Variants in RIMS1 observed in about 807,000 individuals in gnomAD.
RIMS1 encodes the protein regulating synaptic membrane exocytosis 1.
A neutral mutation model predicts 214.1 loss-of-function variants in RIMS1; 83 were observed. The ratio of observed to expected loss-of-function variants is 0.39; its 90% CI spans 0.32 to 0.47. The LOEUF is 0.47. Ranked by LOEUF, RIMS1 falls within the 20% of genes least tolerant of loss-of-function variation. The pLI is 0.99. For synonymous variants in RIMS1, 793 were observed against 786.8 expected (o/e 1.01, Z -0.13); for missense variants, 2,050 against 2,161.8 (o/e 0.95, Z 1.03).
chr6:72,188,250 A>C (rs2049458010), intron 6 of RIMS1, among the ~76,000 whole-genome samples: 1 of 152,188 alleles, frequency 6.6e-6, no homozygotes, highest in Non-Finnish European at 1.5e-5. Flanking sequence ...ACTCGATATT[A>C]ACCATCACAA....
At chr6:72,153,913 G>C (rs988517926) in intron 4 of RIMS1, among the ~76,000 whole-genome samples, 1 of 152,026 alleles carries the variant, frequency 6.6e-6, no homozygotes, top group African/African-American at 2.4e-5. Flanking sequence ...AATGTATAAG[G>C]CATGAAAAAA....
intron 8 of RIMS1, among the ~76,000 whole-genome samples, chr6:72,237,451 G>C (rs1354490262): frequency 6.6e-6 from 1 of 151,978 alleles, no homozygotes. Context: ...GAGGCAGGAG[G>C]ACTGCTTGAG....
At chr6:71,908,529 T>G (rs1383307743) in intron 1 of RIMS1, among the ~76,000 whole-genome samples, 1 of 152,206 alleles carries the variant, frequency 6.6e-6, no homozygotes. Context: ...AGAGCCTTCC[T>G]GTCAGGGTGC....
At position 72,292,064 on chromosome 6, in the gene RIMS1, A is replaced by G. The variant is rs2093471199; in HGVS notation, c.3850+18A>G. On this transcript the variant is annotated intron_variant, in intron 26 of 33. Coordinates refer to ENST00000521978, the MANE Select transcript of RIMS1 (RefSeq NM_014989.7). ...AGAACAAGGTATCCGATAAAGAGAG[A>G]TCATTGTCCAAAAATCTTGGATTTG... 1 of 1,499,538 alleles carries G rather than the reference A, an allele frequency of 6.7e-7. No individual in the cohort carries two copies. The highest frequency in any genetic ancestry group is 9.0e-7 in the Non-Finnish European group (1 of 1,105,404). The allele number at this position is 1,499,538 out of a possible 1,614,324, so 92.9% of individuals were successfully genotyped here. A position where few individuals can be genotyped will look rare whatever the true frequency, so the allele number is the denominator to read the frequency against.
chr6:72,386,497 C>T (rs1188242216), intron 29 of RIMS1, among the ~76,000 whole-genome samples: 1 of 152,114 alleles, frequency 6.6e-6, no homozygotes, highest in African/African-American at 2.4e-5. Flanking sequence ...TCCCCTTCCC[C>T]TCTGCCACAG....
chr6:72,033,463 A>G (rs1818720939), intron 2 of RIMS1, among the ~76,000 whole-genome samples: 1 of 152,122 alleles, frequency 6.6e-6, no homozygotes, highest in African/African-American at 2.4e-5. Context: ...TTCAGTGGTC[A>G]TCTCTTCCAA....
intron 4 of RIMS1, among the ~76,000 whole-genome samples, chr6:72,138,093 T>C (rs1420619635): frequency 6.6e-6 from 1 of 152,142 alleles, no homozygotes; most frequent in Non-Finnish European, 1.5e-5. Flanking sequence ...TGTGTGTGTA[T>C]GTATATGTGT....
At chr6:72,251,501 A>C (rs1368970519) in intron 15 of RIMS1, 133 bp downstream of exon 15, 1 of 753,820 alleles carries the variant, frequency 1.3e-6, no homozygotes, top group African/African-American at 1.8e-5. Flanking sequence ...CATCTTTATG[A>C]AGCAACTTGG....
At chr6:71,989,090 G>A (rs897577476) in intron 2 of RIMS1, among the ~76,000 whole-genome samples, 2 of 152,266 alleles carry the variant, frequency 1.3e-5, no homozygotes, top group East Asian at 3.9e-4. Flanking sequence ...AAGAAGTATG[G>A]AAGTATATGC....
In RIMS1 at chr6:72,304,105, T is replaced by C. The variant is rs79507956; in HGVS notation, c.3851-3153T>C. 3.8e-3 allele frequency among the ~76,000 whole-genome samples: 580 copies of C among 151,762 alleles called. 5 individuals carry two copies. The highest frequency in any genetic ancestry group is 0.013 in the African/African-American group (545 of 41,536). ...TGATTATGTGGCATTTATGAAATTTTTAAAAATAAAAACCACAGGGCCTCC... is the reference window on the plus strand; with the variant it reads ...TGATTATGTGGCATTTATGAAATTTCTAAAAATAAAAACCACAGGGCCTCC... On this transcript the variant is annotated intron_variant, in intron 26 of 33. Transcript: ENST00000521978.
At chr6:72,339,658 C>A (rs1159104663) in intron 29 of RIMS1, among the ~76,000 whole-genome samples, 3 of 152,006 alleles carry the variant, frequency 2.0e-5, no homozygotes. Context: ...TGTATATGTG[C>A]CACATTTTCT....
chr6:72,339,747 G>A (rs1488264713), intron 29 of RIMS1, among the ~76,000 whole-genome samples: 2 of 152,008 alleles, frequency 1.3e-5, no homozygotes, highest in African/African-American at 2.4e-5. Context: ...ATAAACGTAC[G>A]TGTGCATGTG....
chr6:72,309,631 C>T (rs920600173), intron 27 of RIMS1, among the ~76,000 whole-genome samples: 3 of 152,058 alleles, frequency 2.0e-5, no homozygotes, highest in African/African-American at 7.2e-5. Flanking sequence ...TTTCCTCTCT[C>T]TCTTTGCATT....
Position 71,946,762 on chromosome 6 carries a change from C to G in RIMS1, c.165-22221C>G, listed in dbSNP as rs536643397. Among the ~76,000 whole-genome samples, 28 of 149,650 alleles carry G rather than the reference C, an allele frequency of 1.9e-4. No individual in the cohort carries two copies. In the Admixed American group the frequency reaches 1.9e-3, roughly 10 times the overall value. On this transcript the variant is annotated intron_variant, in intron 1 of 33. Coordinates refer to ENST00000521978, the MANE Select transcript of RIMS1 (RefSeq NM_014989.7). ...GGTATGACCCCAAAAGTATAGGCAA[C>G]GAAAGCAAAAAAAAAATAGACAAGT... is the stretch of plus-strand genomic sequence containing the variant.
At chr6:72,139,512 T>C (rs2153877528) in intron 4 of RIMS1, among the ~76,000 whole-genome samples, 1 of 152,270 alleles carries the variant, frequency 6.6e-6, no homozygotes, top group East Asian at 1.9e-4. Context: ...CCTAACATAG[T>C]ATATATTGTC....
intron 2 of RIMS1, among the ~76,000 whole-genome samples, chr6:71,995,227 C>A (rs561425712): frequency 6.6e-6 from 1 of 152,284 alleles, no homozygotes; most frequent in East Asian, 1.9e-4. Context: ...GTCTGAAATG[C>A]ACTGTTCAAA....
At chr6:72,108,291 T>G (rs1296206636) in intron 4 of RIMS1, among the ~76,000 whole-genome samples, 2 of 152,128 alleles carry the variant, frequency 1.3e-5, no homozygotes, top group Non-Finnish European at 2.9e-5. Flanking sequence ...GGTTTTACCA[T>G]GTTGCCCAGG....
intron 28 of RIMS1, among the ~76,000 whole-genome samples, chr6:72,328,301 T>G (rs1200963320): frequency 1.3e-5 from 2 of 151,360 alleles, no homozygotes; most frequent in Non-Finnish European, 3.0e-5. Context: ...TGTCAGGGGG[T>G]AGGGGGCTAT....
chr6:72,274,536 A>AGGAGCC, intron 23 of RIMS1, 104 bp downstream of exon 23: 1 of 838,434 alleles, frequency 1.2e-6, no homozygotes, highest in Non-Finnish European at 2.0e-6. Context: ...ACTTTATTCC[A>AGGAGCC]GGAGCCAGAG....
Sources: gnomAD v4.1 joint callset for allele counts (sites outside exome capture counted in the v4.1 genomes callset) on GRCh38, gnomAD v4.1.1 for gene constraint, MANE v1.5 for transcripts, NCBI Gene and HGNC (gene_info 2026-07-23, HGNC 2026-07-21) for gene names.